The following GJA3 variants were observed in gnomAD, a reference collection of about 807,000 sequenced individuals.
The protein encoded by GJA3 is gap junction protein alpha 3, also known as gap junction alpha-3 protein.
For missense variants in GJA3, 571 were observed against 620.3 expected (o/e 0.92, Z 0.84); for synonymous variants, 297 against 292.6 (o/e 1.02, Z -0.15).
Position 20,142,177 on chromosome 13 carries a change from G to T in GJA3, c.1112C>A (p.Ala371Glu). The stretch of plus-strand genomic sequence containing the variant: ...GCCGCTCCCATCCAGCAGCAGGGGC[G>T]CCGCGCCCGCCTCAGCCTCGTGCGC... Reference protein sequence around the residue: ...PLAHEAEAGAAPLLLDGSGSS... With the variant: ...PLAHEAEAGAEPLLLDGSGSS... Residue 371 changes from alanine to glutamate, a missense_variant, in exon 2 of 2, where the codon GCG (alanine) becomes GAG (glutamate). Physicochemically the swap from Ala to Glu is moderately radical, Grantham distance 107. Coordinates refer to ENST00000241125, the MANE Select transcript of GJA3 (RefSeq NM_021954.4). 2 of 1,511,780 alleles carry T rather than the reference G, an allele frequency of 1.3e-6. No homozygotes were observed. The highest frequency in any genetic ancestry group is 1.3e-5 in the South Asian group (1 of 79,080). The allele number at this position is 1,511,780 out of a possible 1,614,324, so 93.6% of individuals were successfully genotyped here.
rs760051894 is a variant in GJA3, at chr13:20,142,480, G to A, written c.809C>T (p.Pro270Leu). ...GGGCGCAGCGGTGTGCGCATAGTAGGGTGGGAACCCGATGGCAACGGCGGG... is the reference window on the plus strand; with the variant it reads ...GGGCGCAGCGGTGTGCGCATAGTAGAGTGGGAACCCGATGGCAACGGCGGG... ...RPPAVAIGFP[P>L]YYAHTAAPLG... Residue 270 changes from proline to leucine, a missense_variant, in exon 2 of 2, where the codon CCC becomes CTC. Transcript: ENST00000241125. 4 of 1,550,174 alleles carry A rather than the reference G, an allele frequency of 2.6e-6. No individual in the cohort carries two copies. In the South Asian group the frequency reaches 4.8e-5, roughly 19 times the overall value.
In GJA3 at chr13:20,160,986, A is replaced by G. The variant is rs889634797; in HGVS notation, c.-114T>C. ...CCTTTCACACGTGCGGTGCTGCTTC[A>G]CGCGTGCGCCCCGCGCCAGGGCCCG... is the stretch of plus-strand genomic sequence containing the variant. On this transcript the variant is annotated 5_prime_UTR_variant, in exon 1 of 2. Transcript: ENST00000241125. 1 of 152,020 alleles carries G rather than the reference A, an allele frequency of 6.6e-6. No individual in the cohort carries two copies. Among genetic ancestry groups the G allele is most frequent in the African/African-American group, 2.4e-5 (1 of 41,302 alleles). The allele number at this position is 152,020 out of a possible 1,614,324, so 9.4% of individuals were successfully genotyped here. A position where few individuals can be genotyped will look rare whatever the true frequency, so the allele number is the denominator to read the frequency against.
chr13:20,159,637 G>C (rs1413482627), intron 1 of GJA3, among the ~76,000 whole-genome samples: 1 of 152,168 alleles, frequency 6.6e-6, no homozygotes, highest in Admixed American at 6.5e-5. Flanking sequence ...TTTGTTACCC[G>C]CCATTCTTTT....
At chr13:20,153,830 A>C (rs1038135339) in intron 1 of GJA3, among the ~76,000 whole-genome samples, 8 of 152,144 alleles carry the variant, frequency 5.3e-5, no homozygotes, top group African/African-American at 1.7e-4. Flanking sequence ...CAGGCCTTTA[A>C]AAGCTGGTTT....
intron 1 of GJA3, among the ~76,000 whole-genome samples, chr13:20,147,376 C>T (rs1958849140): frequency 6.6e-6 from 1 of 152,154 alleles, no homozygotes; most frequent in Admixed American, 6.5e-5. Context: ...ATCTTAAATG[C>T]CTTATGAAAT....
At chr13:20,145,674 A>T (rs1438852169) in intron 1 of GJA3, among the ~76,000 whole-genome samples, 1 of 152,008 alleles carries the variant, frequency 6.6e-6, no homozygotes, top group African/African-American at 2.4e-5. Context: ...CTGAAACTCC[A>T]CCTTTAGGCC....
At chr13:20,158,424 T>G (rs1234179831) in intron 1 of GJA3, among the ~76,000 whole-genome samples, 1 of 151,998 alleles carries the variant, frequency 6.6e-6, no homozygotes, top group Non-Finnish European at 1.5e-5. Context: ...GTTTCAGGAA[T>G]AAATAAGCAA....
intron 1 of GJA3, among the ~76,000 whole-genome samples, chr13:20,150,676 C>T (rs1958871602): frequency 6.6e-6 from 1 of 152,056 alleles, no homozygotes; most frequent in South Asian, 2.1e-4. Context: ...AATGTGGGAC[C>T]CTCGATGCGA....
At chr13:20,151,192 G>A (rs1353214464) in intron 1 of GJA3, among the ~76,000 whole-genome samples, 2 of 152,180 alleles carry the variant, frequency 1.3e-5, no homozygotes, top group African/African-American at 4.8e-5. Context: ...GGTCTCCAGA[G>A]TGCTGACAAG....
chr13:20,143,343 C>G lies in GJA3; in HGVS notation c.-17-38G>C, dbSNP rs1244903371. On this transcript the variant is annotated intron_variant, in intron 1 of 1. Coordinates refer to ENST00000241125, the MANE Select transcript of GJA3 (RefSeq NM_021954.4). ...AATGCTCATGAACACCGGGCTGCAA[C>G]GGCTGAGTGCCGGGTCCGCACCCAT... 1.5e-5 allele frequency: 22 copies of G among 1,419,522 alleles called. 1 individual carries two copies. The East Asian group carries it at 2.6e-4, about 17-fold the overall frequency. The allele number at this position is 1,419,522 out of a possible 1,614,324, so 87.9% of individuals were successfully genotyped here.
At chr13:20,161,262 G>A (rs976379753), upstream of GJA3, among the ~76,000 whole-genome samples, 3 of 152,166 alleles carry the variant, frequency 2.0e-5, no homozygotes, top group Non-Finnish European at 4.4e-5. Context: ...TCCCCATCCC[G>A]CACCTGCGCG....
At chr13:20,143,384 C>T (rs1958824789) in intron 1 of GJA3, 79 bp from the exon 2 acceptor site, 2 of 1,002,976 alleles carry the variant, frequency 2.0e-6, no homozygotes. Context: ...GCGGCAGCGG[C>T]CTGGATGGTA....
At chr13:20,155,358 T>C (rs953123713) in intron 1 of GJA3, among the ~76,000 whole-genome samples, 1 of 152,198 alleles carries the variant, frequency 6.6e-6, no homozygotes, top group African/African-American at 2.4e-5. Flanking sequence ...TTGGGACTAA[T>C]GTCTTTTTTT....
At chr13:20,161,260 C>T (rs1350968269), upstream of GJA3, among the ~76,000 whole-genome samples, 5 of 152,198 alleles carry the variant, frequency 3.3e-5, no homozygotes, top group African/African-American at 1.2e-4. Context: ...CATCCCCATC[C>T]CGCACCTGCG....
At chr13:20,156,522 G>C (rs1042742366) in intron 1 of GJA3, among the ~76,000 whole-genome samples, 1 of 152,148 alleles carries the variant, frequency 6.6e-6, no homozygotes, top group Non-Finnish European at 1.5e-5. Flanking sequence ...ATGTTGGCCA[G>C]GCTGGTCTTG....
chr13:20,160,979 C>G lies in GJA3; in HGVS notation c.-107G>C, dbSNP rs1958933945. On this transcript the variant is annotated 5_prime_UTR_variant, in exon 1 of 2. Coordinates refer to ENST00000241125, the MANE Select transcript of GJA3 (RefSeq NM_021954.4). ...AAGAATTCCTTTCACACGTGCGGTG[C>G]TGCTTCACGCGTGCGCCCCGCGCCA... 6.6e-6 allele frequency: 1 copy of G among 152,354 alleles called. No individual in the cohort carries two copies. The highest frequency in any genetic ancestry group is 2.4e-5 in the African/African-American group (1 of 41,428). The allele number at this position is 152,354 out of a possible 1,614,324, so 9.4% of individuals were successfully genotyped here.
At chr13:20,158,912 C>CAAAAAAAAAAAAAAAAAAAAAAAAA (rs1159654355) in intron 1 of GJA3, among the ~76,000 whole-genome samples, 12 of 54,952 alleles carry the variant, frequency 2.2e-4, no homozygotes, top group East Asian at 7.3e-4. Context: ...GCAAAACTCT[C>CAAAAAAAAAAAAAAAAAAAAAAAAA]AAAAAAAAAA....
chr13:20,159,939 T>A (rs1475930653), intron 1 of GJA3, among the ~76,000 whole-genome samples: 1 of 152,204 alleles, frequency 6.6e-6, no homozygotes, highest in East Asian at 1.9e-4. Context: ...GATGCGCACA[T>A]CATAAATCAC....
chr13:20,158,637 C>T (rs903185822), intron 1 of GJA3, among the ~76,000 whole-genome samples: 3 of 151,574 alleles, frequency 2.0e-5, no homozygotes, highest in African/African-American at 7.3e-5. Flanking sequence ...GTAGGCTGGG[C>T]GCGGTGGCTC....
Sources: allele counts gnomAD v4.1 joint callset (sites outside exome capture counted in the v4.1 genomes callset), GRCh38; gene constraint gnomAD v4.1.1; transcripts MANE v1.5; gene names NCBI Gene and HGNC (gene_info 2026-07-23, HGNC 2026-07-21).